KCNC4: variants seen among roughly 807,000 people sequenced by gnomAD.
KCNC4 encodes the protein potassium voltage-gated channel subfamily C member 4, also known as voltage-gated potassium channel KCNC4.
Under a neutral mutation model 42.8 loss-of-function variants are expected in KCNC4, and 23 were observed. The observed-to-expected ratio is 0.54, with a 90% CI of 0.39 to 0.76. The LOEUF (loss-of-function observed/expected upper bound fraction) is 0.76, where lower values mean the gene tolerates loss of function less well. Ranked by LOEUF, KCNC4 falls within the 30% of genes least tolerant of loss-of-function variation. The probability of loss-of-function intolerance (pLI) is 0.00; values close to 1 mark genes in which losing one functional copy is unlikely to be tolerated. For synonymous variants in KCNC4, 422 were observed against 393.5 expected (o/e 1.07, Z -0.86); for missense variants, 751 against 898.2 (o/e 0.84, Z 2.10).
rs951828509 is a variant in KCNC4 at position 110,233,732 on chromosome 1, A to AG, written c.*765dup. The stretch of plus-strand genomic sequence containing the variant: ...AAGGATCTGTCTGCCCATCTGGCCC[A>AG]GGGGGTCCGAGAAGGGAAGCCTTGG... On this transcript the variant is annotated 3_prime_UTR_variant, in exon 4 of 4. Transcript: ENST00000438661. 1 of 152,408 alleles carries AG rather than the reference A, an allele frequency of 6.6e-6. No homozygotes were observed. Among genetic ancestry groups the AG allele is most frequent in the Non-Finnish European group, 1.5e-5 (1 of 68,212 alleles). The allele number at this position is 152,408 out of a possible 1,614,324, so 9.4% of individuals were successfully genotyped here.
At chr1:110,212,217 C>A in intron 1 of KCNC4, 40 bp downstream of exon 1, 2 of 1,419,494 alleles carry the variant, frequency 1.4e-6, no homozygotes, top group East Asian at 2.8e-5. Flanking sequence ...CTTGGGTCTG[C>A]AAGGGGTCCG....
In KCNC4 at chr1:110,233,052, CTT is replaced by C; in HGVS notation, c.*83_*84del. On this transcript the variant is annotated 3_prime_UTR_variant, in exon 4 of 4. Transcript: ENST00000438661. ...GAAACTCTGGAACCCAGACAAGAAT[CTT>C]TTCGCTGGGAAAGACTCAGATATCC... is the stretch of plus-strand genomic sequence containing the variant. 1 of 1,509,850 alleles carries C rather than the reference CTT, an allele frequency of 6.6e-7. No homozygotes were observed. The highest frequency in any genetic ancestry group is 9.0e-7 in the Non-Finnish European group (1 of 1,112,008). The allele number at this position is 1,509,850 out of a possible 1,614,324, so 93.5% of individuals were successfully genotyped here.
At chr1:110,263,446 A>G (rs1659487605) in intron 1 of KCNC4, among the ~76,000 whole-genome samples, 1 of 152,032 alleles carries the variant, frequency 6.6e-6, no homozygotes, top group Non-Finnish European at 1.5e-5. Context: ...TGGCTGTCTA[A>G]GATTGCTGCT....
chr1:110,233,008 A>C lies in KCNC4; in HGVS notation c.*36A>C, dbSNP rs760304938. 5 of 1,599,352 alleles carry C rather than the reference A, an allele frequency of 3.1e-6. No homozygotes were observed. The highest frequency in any genetic ancestry group is 1.7e-5 in the Admixed American group (1 of 58,302). On this transcript the variant is annotated 3_prime_UTR_variant, in exon 4 of 4. Transcript: ENST00000438661. Reference sequence around the variant, plus strand: ...ACGTGAGAGAGACAGGCAGACAGACAGAAAGCCAGAGGCTTAGGGAAACTC... The same window carrying C: ...ACGTGAGAGAGACAGGCAGACAGACCGAAAGCCAGAGGCTTAGGGAAACTC...
intron 1 of KCNC4, chr1:110,220,320 T>G (rs1658025435): frequency 1.3e-5 from 2 of 152,250 alleles, no homozygotes. Flanking sequence ...TCCAGGGGGT[T>G]GTTCCCTAAT....
rs527791071 is a variant in KCNC4 at position 110,226,689 on chromosome 1, C to T, written c.1819+511C>T. Reference sequence around the variant, plus strand: ...CTGGAGCACAGGATGGGCAGACTTCCGTCTGCAAGCACCTAGAGGGTGACT... The same window carrying T: ...CTGGAGCACAGGATGGGCAGACTTCTGTCTGCAAGCACCTAGAGGGTGACT... On this transcript the variant is annotated intron_variant, in intron 3 of 3. Coordinates refer to ENST00000438661, the MANE Select transcript of KCNC4 (RefSeq NM_001039574.3). Among the ~76,000 whole-genome samples the T allele has an allele frequency of 3.3e-3, 507 of 152,348 alleles. 2 individuals are homozygous for T. Among genetic ancestry groups the T allele is most frequent in the Non-Finnish European group, 5.8e-3 (394 of 68,036 alleles).
At chr1:110,265,381 ATAAAATAAAATAAAATAAAATAAAAT>A (rs1659521502) in intron 1 of KCNC4, among the ~76,000 whole-genome samples, 1 of 138,028 alleles carries the variant, frequency 7.2e-6, no homozygotes, top group South Asian at 2.2e-4. Context: ...ATAAAATAAA[ATAAAATAAAATAAAATAAAATAAAAT>A]AAAATAAAAT....
rs562089235 is a variant in KCNC4 at position 110,232,757 on chromosome 1, A to G, written c.1820-154A>G. The G allele has an allele frequency of 4.8e-4, 736 of 1,535,476 alleles. 1 individual carries two copies. The highest frequency in any genetic ancestry group is 6.3e-4 in the Non-Finnish European group (724 of 1,146,320). On this transcript the variant is annotated intron_variant, in intron 3 of 3. Transcript: ENST00000438661. ...CTGCTCCTGGTCTACTCCTTAGCCC[A>G]CACCCTGTGGGTCAGCAGCTGGCTT... is the stretch of plus-strand genomic sequence containing the variant.
Position 110,232,943 on chromosome 1 carries a change from G to A in KCNC4, c.1852G>A (p.Ala618Thr), listed in dbSNP as rs753203873. The change falls in exon 4 of 4, where the codon GCC becomes ACC. Residue 618 changes from alanine to threonine, a missense_variant. Transcript: ENST00000438661. ...CCAAGACGCCCTCTCGTCCAACTAT[G>A]CCCAGGCTGAAGTCCTCACCCTCTC... ...TCQDALSSNY[A>T]QAEVLTLS 1.9e-6 allele frequency: 3 copies of A among 1,611,988 alleles called. No individual in the cohort carries two copies. Among genetic ancestry groups the A allele is most frequent in the South Asian group, 2.2e-5 (2 of 90,312 alleles).
rs188959828 is a variant in KCNC4 at position 110,261,982 on chromosome 1, A to G, written n.31-20552A>G. Among the ~76,000 whole-genome samples, 327 of 152,382 alleles carry G rather than the reference A, an allele frequency of 2.1e-3. 1 individual carries two copies. The highest frequency in any genetic ancestry group is 7.7e-3 in the African/African-American group (319 of 41,592). The stretch of plus-strand genomic sequence containing the variant: ...TGCTAAGGAAAAAACATTTGAAAAC[A>G]GATGTTTAGATGTTTCCATCATTAC... On this transcript the variant is annotated intron_variant and non_coding_transcript_variant, in intron 1 of 2. Coordinates refer to the KCNC4 transcript ENST00000412512.
intron 1 of KCNC4, among the ~76,000 whole-genome samples, chr1:110,280,374 C>A (rs993158582): frequency 5.3e-5 from 8 of 151,842 alleles, no homozygotes; most frequent in African/African-American, 1.9e-4. Context: ...TGTCTCCCTG[C>A]CAAGGTTGAA....
At chr1:110,259,123 G>C (rs1659384335) in intron 1 of KCNC4, among the ~76,000 whole-genome samples, 1 of 152,226 alleles carries the variant, frequency 6.6e-6, no homozygotes, top group African/African-American at 2.4e-5. Context: ...CAAGGACCTG[G>C]AGGAGTCTCC....
intron 1 of KCNC4, among the ~76,000 whole-genome samples, chr1:110,265,392 TAAAATAAAATAAAATAA>T (rs1659522589): frequency 7.2e-6 from 1 of 138,380 alleles, no homozygotes; most frequent in Admixed American, 7.0e-5. Context: ...TAAAATAAAA[TAAAATAAAATAAAATAA>T]AATAAAATAA....
chr1:110,266,031 G>T (rs780530638), intron 1 of KCNC4, among the ~76,000 whole-genome samples: 1 of 152,218 alleles, frequency 6.6e-6, no homozygotes, highest in Non-Finnish European at 1.5e-5. Context: ...ACAGGGTGGG[G>T]ACTGCCTCTT....
intron 1 of KCNC4, among the ~76,000 whole-genome samples, chr1:110,266,345 T>A (rs1425985869): frequency 6.6e-6 from 1 of 151,792 alleles, no homozygotes; most frequent in African/African-American, 2.4e-5. Flanking sequence ...GGGGCTGGAG[T>A]GCAGAACAAA....
intron 1 of KCNC4, among the ~76,000 whole-genome samples, chr1:110,260,274 G>A (rs1659401709): frequency 6.6e-6 from 1 of 152,172 alleles, no homozygotes; most frequent in African/African-American, 2.4e-5. Flanking sequence ...AAGCCCCATG[G>A]ATTGCAGATC....
intron 1 of KCNC4, among the ~76,000 whole-genome samples, chr1:110,265,122 A>G (rs2101079644): frequency 6.6e-6 from 1 of 151,524 alleles, no homozygotes; most frequent in Non-Finnish European, 1.5e-5. Context: ...GTGAAAGAAA[A>G]TAAAGTACAA....
chr1:110,222,751 G>C lies in KCNC4; in HGVS notation c.679-213G>C. 3 of 559,086 alleles carry C rather than the reference G, an allele frequency of 5.4e-6. No homozygotes were observed. In the East Asian group the frequency reaches 8.7e-5, roughly 16 times the overall value. The allele number at this position is 559,086 out of a possible 1,614,324, so 34.6% of individuals were successfully genotyped here. A position where few individuals can be genotyped will look rare whatever the true frequency, so the allele number is the denominator to read the frequency against. Reference sequence around the variant, plus strand: ...CAGCCAAGAGCAGCTTCTATCTTTTGTGACAAAGATTGGGAAACATTGCCC... The same window carrying C: ...CAGCCAAGAGCAGCTTCTATCTTTTCTGACAAAGATTGGGAAACATTGCCC... On this transcript the variant is annotated intron_variant, in intron 1 of 3. Transcript: ENST00000438661.
chr1:110,254,699 G>A (rs993608379), intron 1 of KCNC4, among the ~76,000 whole-genome samples: 4 of 152,222 alleles, frequency 2.6e-5, no homozygotes, highest in African/African-American at 9.7e-5. Context: ...CTGCCAAGGA[G>A]ACTAGGAATA....
Sources: allele counts gnomAD v4.1 joint callset (sites outside exome capture counted in the v4.1 genomes callset), GRCh38; gene constraint gnomAD v4.1.1; transcripts MANE v1.5; gene names NCBI Gene and HGNC (gene_info 2026-07-23, HGNC 2026-07-21).